The following CAMKMT variants were observed in gnomAD, a reference collection of about 807,000 sequenced individuals.
The protein encoded by CAMKMT is CaM KMT.
Under a neutral mutation model 48.0 loss-of-function variants are expected in CAMKMT, and 53 were observed. That is an observed-to-expected ratio of 1.10 (90% CI 0.89 to 1.39). The LOEUF (loss-of-function observed/expected upper bound fraction) is 1.39. Among genes scored for constraint, CAMKMT ranks in the 40% most tolerant of loss-of-function variants. The probability of loss-of-function intolerance (pLI) is 0.00; values close to 1 mark genes in which losing one functional copy is unlikely to be tolerated. For synonymous variants in CAMKMT, 165 were observed against 152.3 expected (o/e 1.08, Z -0.61); for missense variants, 428 against 402.7 (o/e 1.06, Z -0.54).
At chr2:44,384,562 G>A (rs1398894344) in intron 2 of CAMKMT, among the ~76,000 whole-genome samples, 4 of 136,206 alleles carry the variant, frequency 2.9e-5, no homozygotes, top group African/African-American at 1.1e-4. Flanking sequence ...CCTTGCCTAA[G>A]ACAATGTCTA....
intron 3 of CAMKMT, among the ~76,000 whole-genome samples, chr2:44,486,685 G>A (rs1318770305): frequency 6.6e-6 from 1 of 152,310 alleles, no homozygotes; most frequent in Non-Finnish European, 1.5e-5. Context: ...GAGCATATAT[G>A]TTGCTCAGCA....
intron 3 of CAMKMT, among the ~76,000 whole-genome samples, chr2:44,529,459 T>C (rs1168992945): frequency 6.6e-6 from 1 of 152,200 alleles, no homozygotes; most frequent in Non-Finnish European, 1.5e-5. Context: ...GGTTTATTTA[T>C]GCATATACAC....
intron 3 of CAMKMT, among the ~76,000 whole-genome samples, chr2:44,413,565 T>C (rs1336229363): frequency 6.6e-6 from 1 of 150,950 alleles, no homozygotes; most frequent in Non-Finnish European, 1.5e-5. Flanking sequence ...GGCAGGAGAA[T>C]CGGTTGAACT....
chr2:44,372,595 TATCTA>T, intron 1 of CAMKMT, 116 bp from the exon 2 acceptor site: 1 of 726,714 alleles, frequency 1.4e-6, no homozygotes, highest in Non-Finnish European at 2.2e-6. Flanking sequence ...ATATCTGAAT[TATCTA>T]ATCTGTCATT....
chr2:44,427,976 A>T (rs1402589951), intron 3 of CAMKMT, among the ~76,000 whole-genome samples: 1 of 152,180 alleles, frequency 6.6e-6, no homozygotes, highest in Non-Finnish European at 1.5e-5. Flanking sequence ...TGGCAGGAAC[A>T]AACCTGCAGC....
At chr2:44,394,696 G>T (rs1681664608) in intron 3 of CAMKMT, among the ~76,000 whole-genome samples, 1 of 152,190 alleles carries the variant, frequency 6.6e-6, no homozygotes, top group South Asian at 2.1e-4. Context: ...CCAAAGTGCT[G>T]GGATTATAGG....
At chr2:44,690,100 G>A (rs1428590966) in intron 3 of CAMKMT, among the ~76,000 whole-genome samples, 1 of 152,104 alleles carries the variant, frequency 6.6e-6, no homozygotes, top group Non-Finnish European at 1.5e-5. Flanking sequence ...TAACTTCTAG[G>A]ACCATTTCGA....
At chr2:44,564,198 C>T (rs1472207477) in intron 3 of CAMKMT, among the ~76,000 whole-genome samples, 26 of 142,068 alleles carry the variant, frequency 1.8e-4, no homozygotes, top group African/African-American at 4.2e-4. Context: ...TTTTTTGAGA[C>T]GGAATCTCAC....
chr2:44,529,174 A>G (rs1666333751), intron 3 of CAMKMT, among the ~76,000 whole-genome samples: 1 of 152,112 alleles, frequency 6.6e-6, no homozygotes, highest in East Asian at 1.9e-4. Flanking sequence ...TCCAAAGGAG[A>G]CCAATCAGGT....
chr2:44,510,376 C>T (rs1670478242), intron 3 of CAMKMT, among the ~76,000 whole-genome samples: 1 of 152,110 alleles, frequency 6.6e-6, no homozygotes. Flanking sequence ...AAAGTTTAAA[C>T]TAGAATATTA....
chr2:44,586,995 G>A (rs1669895538), intron 3 of CAMKMT, among the ~76,000 whole-genome samples: 1 of 152,188 alleles, frequency 6.6e-6, no homozygotes, highest in South Asian at 2.1e-4. Context: ...TCTAGTAGAT[G>A]TATTAGAATC....
chr2:44,486,149 T>C (rs1473413104), intron 3 of CAMKMT, among the ~76,000 whole-genome samples: 1 of 152,086 alleles, frequency 6.6e-6, no homozygotes, highest in Non-Finnish European at 1.5e-5. Flanking sequence ...ATTTTTTTAG[T>C]AGAGACGGAG....
chr2:44,456,439 T>C, intron 3 of CAMKMT: 6 of 1,216,098 alleles, frequency 4.9e-6, no homozygotes, highest in Non-Finnish European at 6.7e-6. Flanking sequence ...CCTCTTACCC[T>C]CTATTTCTCA....
intron 3 of CAMKMT, among the ~76,000 whole-genome samples, chr2:44,661,137 T>A (rs1426464781): frequency 6.6e-6 from 1 of 152,110 alleles, no homozygotes; most frequent in Admixed American, 6.6e-5. Flanking sequence ...GTAGAACAAA[T>A]CGATTTCTCT....
intron 3 of CAMKMT, among the ~76,000 whole-genome samples, chr2:44,504,798 T>C (rs1013543699): frequency 1.3e-5 from 2 of 152,206 alleles, no homozygotes; most frequent in African/African-American, 4.8e-5. Flanking sequence ...GTCTTGCCCA[T>C]TGTGTTAGTC....
intron 3 of CAMKMT, among the ~76,000 whole-genome samples, chr2:44,651,110 T>C (rs1674037288): frequency 6.6e-6 from 1 of 152,228 alleles, no homozygotes; most frequent in Non-Finnish European, 1.5e-5. Context: ...ATAATCCTTC[T>C]GAAGAGCATT....
chr2:44,597,231 C>A (rs1670717322), intron 3 of CAMKMT, among the ~76,000 whole-genome samples: 1 of 152,182 alleles, frequency 6.6e-6, no homozygotes, highest in South Asian at 2.1e-4. Context: ...GGTCCAACTT[C>A]CACATAGACT....
intron 7 of CAMKMT, among the ~76,000 whole-genome samples, chr2:44,718,097 T>TA (rs1678267192): frequency 6.6e-6 from 1 of 152,204 alleles, no homozygotes; most frequent in Non-Finnish European, 1.5e-5. Flanking sequence ...AACACATTAC[T>TA]AGGGCTTGTC....
chr2:44,464,148 A>C (rs74187509), intron 3 of CAMKMT, among the ~76,000 whole-genome samples: 8,439 of 152,294 alleles, frequency 0.055, 304 homozygotes, highest in South Asian at 0.14. Context: ...TAGAAACTAT[A>C]AAAAAGAACA....
Sources: allele counts gnomAD v4.1 joint callset (sites outside exome capture counted in the v4.1 genomes callset), GRCh38; gene constraint gnomAD v4.1.1; transcripts MANE v1.5; gene names NCBI Gene and HGNC (gene_info 2026-07-23, HGNC 2026-07-21).